The following DDIAS variants were observed in gnomAD, a reference collection of about 807,000 sequenced individuals.
DDIAS encodes the protein DNA damage induced apoptosis suppressor, also known as DNA damage-induced apoptosis suppressor protein.
Under a neutral mutation model 15.7 loss-of-function variants are expected in DDIAS, and 14 were observed. The ratio of observed to expected loss-of-function variants is 0.89; its 90% CI spans 0.59 to 1.39. The LOEUF (loss-of-function observed/expected upper bound fraction) is 1.39. Among genes scored for constraint, DDIAS ranks in the 40% most tolerant of loss-of-function variants. DDIAS has a pLI of 0.00. For missense variants in DDIAS, 1,035 were observed against 1,130.9 expected (o/e 0.92, Z 1.22); for synonymous variants, 355 against 395.9 (o/e 0.90, Z 1.23).
chr11:82,906,660 A>G (rs1269255229), intron 1 of DDIAS, among the ~76,000 whole-genome samples: 2 of 152,290 alleles, frequency 1.3e-5, no homozygotes, highest in East Asian at 3.8e-4. Context: ...GTGGTACAGT[A>G]TAAAATTCTG....
In DDIAS at chr11:82,914,831, G is replaced by A. The variant is rs1226936666; in HGVS notation, c.93G>A (p.Arg31=). The part of the protein sequence containing the change: ...IYPSCQKCFS[R]IILVSKRSNC... ...CATCATGTCAGAAGTGCTTCTCTAGGATAATCCTGGTCTCCAAAAGGTAAA... is the reference window on the plus strand; with the variant it reads ...CATCATGTCAGAAGTGCTTCTCTAGAATAATCCTGGTCTCCAAAAGGTAAA... Residue 31 remains arginine (R), a synonymous_variant, in exon 3 of 6, where the codon AGG becomes AGA. Transcript: ENST00000533655. 6.3e-7 allele frequency: 1 copy of A among 1,588,744 alleles called. No individual in the cohort carries two copies. Among genetic ancestry groups the A allele is most frequent in the Non-Finnish European group, 8.6e-7 (1 of 1,158,468 alleles).
intron 3 of DDIAS, among the ~76,000 whole-genome samples, chr11:82,918,519 C>G (rs984885542): frequency 6.6e-6 from 1 of 152,138 alleles, no homozygotes; most frequent in Admixed American, 6.5e-5. Flanking sequence ...TGCGATGCCT[C>G]CAGGTTTGTT....
At chr11:82,924,212 G>A (rs1158929165) in intron 3 of DDIAS, among the ~76,000 whole-genome samples, 2 of 152,146 alleles carry the variant, frequency 1.3e-5, no homozygotes, top group African/African-American at 4.8e-5. Flanking sequence ...TAAGAGATAT[G>A]TTTTTTAAAA....
chr11:82,909,634 G>A (rs1860488373), intron 1 of DDIAS, among the ~76,000 whole-genome samples: 2 of 152,146 alleles, frequency 1.3e-5, no homozygotes, highest in African/African-American at 2.4e-5. Flanking sequence ...ACTTACAATG[G>A]CAATTTTCTT....
At chr11:82,911,166 G>A (rs1456299577) in intron 1 of DDIAS, among the ~76,000 whole-genome samples, 4 of 152,144 alleles carry the variant, frequency 2.6e-5, no homozygotes, top group East Asian at 1.9e-4. Context: ...TTGGGGTGGT[G>A]GTTGCTGAAG....
At chr11:82,906,598 G>A (rs1359144977) in intron 1 of DDIAS, among the ~76,000 whole-genome samples, 1 of 152,046 alleles carries the variant, frequency 6.6e-6, no homozygotes, top group African/African-American at 2.4e-5. Context: ...ATTTCCTAAA[G>A]TTTGAATAAC....
In DDIAS at chr11:82,932,140, G is replaced by C; in HGVS notation, c.802G>C (p.Gly268Arg). 2 of 1,614,118 alleles carry C rather than the reference G, an allele frequency of 1.2e-6. No individual in the cohort carries two copies. The highest frequency in any genetic ancestry group is 2.2e-5 in the South Asian group (2 of 91,080). The change falls in exon 6 of 6, where the codon GGT becomes CGT. Residue 268 changes from glycine to arginine, a missense_variant. Gly to Arg is a moderately radical substitution (Grantham distance 125). Transcript: ENST00000533655. Reference protein sequence around the residue: ...FSASEQSKAFGTLQQNRKSIS... With the variant: ...FSASEQSKAFRTLQQNRKSIS... ...AGCTTCAGAACAAAGTAAGGCCTTT[G>C]GTACTCTTCAGCAGAACAGAAAGTC...
chr11:82,932,866 G>T lies in DDIAS; in HGVS notation c.1528G>T (p.Glu510Ter). The T allele has an allele frequency of 6.2e-7, 1 of 1,613,380 alleles. No individual in the cohort carries two copies. The highest frequency in any genetic ancestry group is 1.1e-5 in the South Asian group (1 of 91,034). The change falls in exon 6 of 6, where the codon GAG becomes TAG. Residue 510 changes from glutamate to a stop codon, truncating the protein, a stop_gained. Coordinates refer to ENST00000533655, the MANE Select transcript of DDIAS (RefSeq NM_145018.4). LOFTEE classifies it low-confidence loss of function (END_TRUNC). Reference protein sequence around the residue: ...KGNLSPSVEKESQPDNKVEAV... With the variant: ...KGNLSPSVEK ...AAATCTAAGTCCTAGTGTTGAAAAG[G>T]AGTCACAACCAGATAACAAAGTAGA...
intron 1 of DDIAS, among the ~76,000 whole-genome samples, chr11:82,906,160 C>T (rs1270856699): frequency 6.6e-6 from 1 of 152,060 alleles, no homozygotes; most frequent in African/African-American, 2.4e-5. Context: ...ATTATGAAAA[C>T]ACCAAAGGAA....
chr11:82,917,100 A>C (rs1046062888), intron 3 of DDIAS, among the ~76,000 whole-genome samples: 1 of 152,166 alleles, frequency 6.6e-6, no homozygotes, highest in Non-Finnish European at 1.5e-5. Flanking sequence ...TTCTGCATAT[A>C]CTACATTGAC....
intron 1 of DDIAS, among the ~76,000 whole-genome samples, chr11:82,903,208 G>T (rs1414209469): frequency 6.6e-6 from 1 of 152,246 alleles, no homozygotes; most frequent in African/African-American, 2.4e-5. Flanking sequence ...CCGGATCATG[G>T]TTAGGAGGTT....
At chr11:82,907,667 G>A (rs1813535415) in intron 1 of DDIAS, among the ~76,000 whole-genome samples, 1 of 152,202 alleles carries the variant, frequency 6.6e-6, no homozygotes, top group South Asian at 2.1e-4. Flanking sequence ...AGCCTCCTGA[G>A]TAGCTGGAAC....
At chr11:82,903,349 G>GA (rs1333287568) in intron 1 of DDIAS, among the ~76,000 whole-genome samples, 8 of 152,172 alleles carry the variant, frequency 5.3e-5, no homozygotes, top group Non-Finnish European at 1.0e-4. Context: ...TGTGATGTGG[G>GA]ATATGAAGGA....
At position 82,933,283 on chromosome 11, in the gene DDIAS, T is replaced by C. The variant is rs771461647; in HGVS notation, c.1945T>C (p.Leu649=). Reference sequence around the variant, plus strand: ...TAGTCCAAATAGAAGTACAAATACATTGAAAGAAATGCCTTGGGGACATAT... The same window carrying C: ...TAGTCCAAATAGAAGTACAAATACACTGAAAGAAATGCCTTGGGGACATAT... The part of the protein sequence containing the change: ...CNSPNRSTNT[L]KEMPWGHINN... Residue 649 remains leucine, a synonymous_variant, in exon 6 of 6, where the codon TTG becomes CTG. Coordinates refer to ENST00000533655, the MANE Select transcript of DDIAS (RefSeq NM_145018.4). 22 of 1,613,516 alleles carry C rather than the reference T, an allele frequency of 1.4e-5. No homozygotes were observed. In the Admixed American group the frequency reaches 3.0e-4, roughly 22 times the overall value.
chr11:82,930,841 TGGAATCAGGGTTTTA>T (rs1401099020), intron 5 of DDIAS, among the ~76,000 whole-genome samples: 2 of 152,078 alleles, frequency 1.3e-5, no homozygotes, highest in Non-Finnish European at 2.9e-5. Flanking sequence ...TTTTCCACAC[TGGAATCAGGGTTTTA>T]AAAGAGGACT....
chr11:82,906,979 T>A (rs887344951), intron 1 of DDIAS, among the ~76,000 whole-genome samples: 1 of 152,300 alleles, frequency 6.6e-6, no homozygotes, highest in African/African-American at 2.4e-5. Context: ...AGATAGTCCT[T>A]CTACGATCTT....
At chr11:82,919,715 A>G (rs933899859) in intron 3 of DDIAS, among the ~76,000 whole-genome samples, 2 of 152,128 alleles carry the variant, frequency 1.3e-5, no homozygotes, top group Admixed American at 1.3e-4. Flanking sequence ...CTGTGAATCC[A>G]TCTGGTCCCA....
At chr11:82,902,405 C>T (rs748983419) in intron 1 of DDIAS, among the ~76,000 whole-genome samples, 2 of 151,974 alleles carry the variant, frequency 1.3e-5, no homozygotes, top group Admixed American at 6.6e-5. Context: ...CCCCCGCCGC[C>T]CCAGCTGGTT....
chr11:82,911,923 G>A (rs1860536801), intron 1 of DDIAS, among the ~76,000 whole-genome samples: 1 of 152,200 alleles, frequency 6.6e-6, no homozygotes, highest in Non-Finnish European at 1.5e-5. Flanking sequence ...AGAGCTCTTG[G>A]GTGACCAGGT....
Sources: gnomAD v4.1 joint callset for allele counts (sites outside exome capture counted in the v4.1 genomes callset) on GRCh38, gnomAD v4.1.1 for gene constraint, MANE v1.5 for transcripts, NCBI Gene and HGNC (gene_info 2026-07-23, HGNC 2026-07-21) for gene names.